FHIT: variants seen among roughly 807,000 people sequenced by gnomAD.
The protein encoded by FHIT is bis(5'-adenosyl)-triphosphatase.
In FHIT, 19 loss-of-function variants were observed where a neutral mutation model predicts 17.9. That is an observed-to-expected ratio of 1.06 (90% CI 0.74 to 1.56). The LOEUF (loss-of-function observed/expected upper bound fraction) is 1.56. Among genes scored for constraint, FHIT ranks in the 40% most tolerant of loss-of-function variants. The pLI, the probability that FHIT is intolerant of heterozygous loss-of-function variation, is 0.00. For synonymous variants in FHIT, 81 were observed against 69.7 expected (o/e 1.16, Z -0.81); for missense variants, 248 against 189.2 (o/e 1.31, Z -1.82).
At chr3:60,160,215 G>A (rs368083130) in intron 5 of FHIT, among the ~76,000 whole-genome samples, 1 of 152,106 alleles carries the variant, frequency 6.6e-6, no homozygotes, top group Admixed American at 6.6e-5. Context: ...GGGAGGAAGA[G>A]AGGGAAGAGG....
chr3:61,175,597 T>C (rs73095070), intron 2 of FHIT, among the ~76,000 whole-genome samples: 7,870 of 152,198 alleles, frequency 0.052, 240 homozygotes, highest in Middle Eastern at 0.12. Flanking sequence ...GATGTGGCCC[T>C]TGGGTAGCGA....
chr3:60,015,474 G>A (rs959182037), intron 5 of FHIT, among the ~76,000 whole-genome samples: 29 of 152,162 alleles, frequency 1.9e-4, no homozygotes, highest in African/African-American at 5.1e-4. Context: ...TGGCAGGCCC[G>A]CTTTATTATC....
chr3:60,108,276 C>T (rs1299679406), intron 5 of FHIT, among the ~76,000 whole-genome samples: 1 of 152,158 alleles, frequency 6.6e-6, no homozygotes, highest in African/African-American at 2.4e-5. Context: ...GAGGTTTAGA[C>T]ACAGTTTAAT....
chr3:59,783,705 G>A (rs1386826846), intron 8 of FHIT, among the ~76,000 whole-genome samples: 4 of 152,154 alleles, frequency 2.6e-5, no homozygotes, highest in African/African-American at 9.7e-5. Context: ...CCCACTTGAT[G>A]TGGTGAGCAC....
chr3:59,780,724 G>A (rs1413576570), intron 8 of FHIT, among the ~76,000 whole-genome samples: 1 of 152,196 alleles, frequency 6.6e-6, no homozygotes, highest in Non-Finnish European at 1.5e-5. Flanking sequence ...ACCTCAAGAA[G>A]GTGAACCAGA....
At chr3:60,290,852 G>A (rs954080160) in intron 5 of FHIT, among the ~76,000 whole-genome samples, 1 of 152,122 alleles carries the variant, frequency 6.6e-6, no homozygotes, top group Non-Finnish European at 1.5e-5. Context: ...CTTGGGGTGG[G>A]AGGGCTCACA....
chr3:59,944,716 C>A (rs1706709474), intron 7 of FHIT, among the ~76,000 whole-genome samples: 1 of 151,986 alleles, frequency 6.6e-6, no homozygotes, highest in Non-Finnish European at 1.5e-5. Context: ...TCTATTGTTT[C>A]TTTCTCTGTA....
In FHIT at chr3:61,095,767, T is replaced by A. The variant is rs1576003610; in HGVS notation, c.-163-53668A>T. Among the ~76,000 whole-genome samples, 3 of 152,340 alleles carry A rather than the reference T, an allele frequency of 2.0e-5. No individual in the cohort carries two copies. In the South Asian group the frequency reaches 6.2e-4, roughly 32 times the overall value. ...ACATTTACTGTGCTCATGACACCTG[T>A]CCCCTCTCTTCAGGGTATCACTCCT... On this transcript the variant is annotated intron_variant, in intron 2 of 9. Transcript: ENST00000492590.
chr3:60,302,453 A>ATGTTTTACCATATTTCTT (rs1287037894), intron 5 of FHIT, among the ~76,000 whole-genome samples: 1 of 152,058 alleles, frequency 6.6e-6, no homozygotes, highest in Non-Finnish European at 1.5e-5. Flanking sequence ...ACTTGATTCT[A>ATGTTTTACCATATTTCTT]TGTTTTACCA....
intron 5 of FHIT, among the ~76,000 whole-genome samples, chr3:60,358,653 C>G (rs554730243): frequency 2.0e-5 from 3 of 152,256 alleles, no homozygotes; most frequent in African/African-American, 7.2e-5. Flanking sequence ...AAAGAAGGGG[C>G]TGATAACACA....
At chr3:60,285,146 T>C (rs1180013482) in intron 5 of FHIT, among the ~76,000 whole-genome samples, 1 of 152,132 alleles carries the variant, frequency 6.6e-6, no homozygotes, top group Non-Finnish European at 1.5e-5. Flanking sequence ...ATTGCACTGG[T>C]TTCTTCATTA....
chr3:60,338,026 TC>T (rs1218742944), intron 5 of FHIT, among the ~76,000 whole-genome samples: 1 of 152,188 alleles, frequency 6.6e-6, no homozygotes, highest in Non-Finnish European at 1.5e-5. Flanking sequence ...AAATAATGTT[TC>T]TTTTCGAATT....
intron 2 of FHIT, among the ~76,000 whole-genome samples, chr3:61,089,259 C>G (rs1358178045): frequency 6.6e-6 from 1 of 152,164 alleles, no homozygotes; most frequent in Non-Finnish European, 1.5e-5. Context: ...ACTATTTTAA[C>G]CATTTTTAAG....
chr3:60,416,678 G>A (rs1354635023), intron 5 of FHIT, among the ~76,000 whole-genome samples: 2 of 152,116 alleles, frequency 1.3e-5, no homozygotes, highest in Non-Finnish European at 2.9e-5. Flanking sequence ...TAACAAAACA[G>A]CAGCAGGCAT....
At chr3:60,823,552 G>A (rs1420248299) in intron 3 of FHIT, among the ~76,000 whole-genome samples, 1 of 152,148 alleles carries the variant, frequency 6.6e-6, no homozygotes, top group African/African-American at 2.4e-5. Flanking sequence ...TTATGTAGCT[G>A]CAAGCCAAGG....
intron 4 of FHIT, among the ~76,000 whole-genome samples, chr3:60,651,124 A>G (rs2039979884): frequency 6.6e-6 from 1 of 152,032 alleles, no homozygotes; most frequent in Admixed American, 6.6e-5. Context: ...TTCTTTATTT[A>G]TGTCATTTAG....
intron 2 of FHIT, among the ~76,000 whole-genome samples, chr3:61,168,859 CT>C (rs554068209): frequency 6.8e-4 from 104 of 152,266 alleles, no homozygotes; most frequent in Non-Finnish European, 1.3e-3. Flanking sequence ...ATTTCTTTTT[CT>C]TTTCAGTCTT....
At chr3:60,104,671 G>A (rs762313877) in intron 5 of FHIT, among the ~76,000 whole-genome samples, 1 of 152,020 alleles carries the variant, frequency 6.6e-6, no homozygotes, top group Non-Finnish European at 1.5e-5. Context: ...AATGGCCTTA[G>A]AGAAGGTGAG....
chr3:59,801,621 A>G (rs1053935276), intron 8 of FHIT, among the ~76,000 whole-genome samples: 1 of 152,058 alleles, frequency 6.6e-6, no homozygotes, highest in Non-Finnish European at 1.5e-5. Flanking sequence ...ATTAAACAGC[A>G]GGGTGACCCA....
Sources: allele counts gnomAD v4.1 joint callset (sites outside exome capture counted in the v4.1 genomes callset), GRCh38; gene constraint gnomAD v4.1.1; transcripts MANE v1.5; gene names NCBI Gene and HGNC (gene_info 2026-07-23, HGNC 2026-07-21).